PXN: variants seen among roughly 807,000 people sequenced by gnomAD.
PXN encodes the protein testicular tissue protein Li 134.
PXN carries 61 observed loss-of-function variants against 103.6 expected under a neutral mutation model. The observed-to-expected ratio is 0.59, with a 90% confidence interval of 0.48 to 0.73. The LOEUF (loss-of-function observed/expected upper bound fraction) is 0.73, where lower values mean the gene tolerates loss of function less well. Ranked by LOEUF, PXN falls within the 30% of genes least tolerant of loss-of-function variation. PXN has a pLI of 0.00. For missense variants in PXN, 1,274 were observed against 1,460.3 expected, an observed-to-expected ratio of 0.87 and a Z score of 2.08; for synonymous variants, 562 against 607.8, an observed-to-expected ratio of 0.92 and a Z score of 1.11.
In PXN at chr12:120,219,074, G is replaced by A. The variant is rs534695522; in HGVS notation, c.1716+133C>T. The A allele has an allele frequency of 2.2e-4, 221 of 1,009,964 alleles. No individual in the cohort carries two copies. Among genetic ancestry groups the A allele is most frequent in the Non-Finnish European group, 2.9e-4 (211 of 716,804 alleles). The allele number at this position is 1,009,964 out of a possible 1,614,324, so 62.6% of individuals were successfully genotyped here. A position where few individuals can be genotyped will look rare whatever the true frequency, so the allele number is the denominator to read the frequency against. On this transcript the variant is annotated intron_variant, in intron 7 of 14. Coordinates refer to ENST00000637617, the MANE Select transcript of PXN (RefSeq NM_001385981.1). This position sits in a 1 kb window ranked among gnomAD's most constrained non-coding sequence, Gnocchi z 6.5. ...CTGCCAAGTGCTGACTGTCAGGTCC[G>A]GCCACAGTGTCTCAGCATTTTCTGC...
At chr12:120,246,546 G>GAAAAAGA (rs894872229) in intron 1 of PXN, among the ~76,000 whole-genome samples, 2 of 137,964 alleles carry the variant, frequency 1.4e-5, no homozygotes, top group African/African-American at 5.4e-5. Flanking sequence ...AAAAAGAAAA[G>GAAAAAGA]AAAAAGAAAA....
Position 120,215,401 on chromosome 12 carries a change from T to G in PXN, c.2404-128A>C, listed in dbSNP as rs1594345591. 6 of 1,454,794 alleles carry G rather than the reference T, an allele frequency of 4.1e-6. No individual in the cohort carries two copies. The highest frequency in any genetic ancestry group is 5.4e-6 in the Non-Finnish European group (6 of 1,103,854). The allele number at this position is 1,454,794 out of a possible 1,614,324, so 90.1% of individuals were successfully genotyped here. A position where few individuals can be genotyped will look rare whatever the true frequency, so the allele number is the denominator to read the frequency against. On this transcript the variant is annotated intron_variant, in intron 10 of 14. Coordinates refer to ENST00000637617, the MANE Select transcript of PXN (RefSeq NM_001385981.1). This position sits in a 1 kb window ranked among gnomAD's most constrained non-coding sequence, Gnocchi z 4.9. The stretch of plus-strand genomic sequence containing the variant: ...GATGGAGACAAGAAGTACAACCTCC[T>G]CCAGGGGCCAGGAGCCCTAAAGTGG...
Position 120,221,316 on chromosome 12 carries a change from G to T in PXN, c.831+307C>A, listed in dbSNP as rs894530514. On this transcript the variant is annotated intron_variant, in intron 6 of 14. Coordinates refer to ENST00000637617, the MANE Select transcript of PXN (RefSeq NM_001385981.1). The surrounding 1 kb of genome is among the most constrained non-coding windows in gnomAD (Gnocchi z 6.6). ...TCAACACAAGGTTCTTTGTCCCAGC[G>T]TCCCAGCCTCCTGATCCCCTCGACC... Among the ~76,000 whole-genome samples, 1 of 152,082 alleles carries T rather than the reference G, an allele frequency of 6.6e-6. No individual in the cohort carries two copies. The highest frequency in any genetic ancestry group is 6.5e-5 in the Admixed American group (1 of 15,268).
chr12:120,227,725 C>G (rs1594428309), intron 1 of PXN, among the ~76,000 whole-genome samples: 1 of 152,126 alleles, frequency 6.6e-6, no homozygotes, highest in East Asian at 1.9e-4. Flanking sequence ...GGGTTGGTGC[C>G]TCCAAACCCC....
In PXN at chr12:120,214,891, G is replaced by T; in HGVS notation, c.2682C>A (p.Tyr894Ter). The T allele has an allele frequency of 6.2e-7, 1 of 1,614,046 alleles. No individual in the cohort carries two copies. Among genetic ancestry groups the T allele is most frequent in the Non-Finnish European group, 8.5e-7 (1 of 1,179,886 alleles). The change falls in exon 12 of 15, where the codon TAC becomes TAA. Residue 894 changes from tyrosine to a stop codon, truncating the protein, a stop_gained. Coordinates refer to ENST00000637617, the MANE Select transcript of PXN (RefSeq NM_001385981.1). LOFTEE classifies it high-confidence loss of function. The surrounding 1 kb of genome is among the most constrained non-coding windows in gnomAD (Gnocchi z 5.0). ...RNFFERDGQP[Y>*]CEKDYHNLFS... ...AGAGGTTGTGGTAGTCCTTTTCACA[G>T]TAGGGCTGTCCATCCCGCTCGAAGA...
chr12:120,222,433 G>A lies in PXN; in HGVS notation c.695+116C>T. 8.4e-7 allele frequency: 1 copy of A among 1,190,328 alleles called. No homozygotes were observed. Among genetic ancestry groups the A allele is most frequent in the South Asian group, 1.6e-5 (1 of 62,604 alleles). 73.7% of individuals were successfully genotyped at this position (1,190,328 alleles called of 1,614,324 possible). A position where few individuals can be genotyped will look rare whatever the true frequency, so the allele number is the denominator to read the frequency against. ...CTCACCACTATCCCCCCAGTGCCTG[G>A]CAAATGGCAGACACGGGAGGGAGTG... On this transcript the variant is annotated intron_variant, in intron 5 of 14. Transcript: ENST00000637617. The surrounding 1 kb of genome is among the most constrained non-coding windows in gnomAD (Gnocchi z 4.7).
chr12:120,239,322 G>A (rs1260342054), intron 1 of PXN, among the ~76,000 whole-genome samples: 2 of 152,298 alleles, frequency 1.3e-5, no homozygotes, highest in South Asian at 2.1e-4. Context: ...GGTGGCTCAC[G>A]CCTATAATCC....
Position 120,215,523 on chromosome 12 carries a change from C to A in PXN, c.2403+37G>T, listed in dbSNP as rs201761336. 124 of 1,540,668 alleles carry A rather than the reference C, an allele frequency of 8.0e-5. No homozygotes were observed. The African/African-American group carries it at 1.4e-3, about 18-fold the overall frequency. On this transcript the variant is annotated intron_variant, in intron 10 of 14. Coordinates refer to ENST00000637617, the MANE Select transcript of PXN (RefSeq NM_001385981.1). This position sits in a 1 kb window ranked among gnomAD's most constrained non-coding sequence, Gnocchi z 4.9. ...GGCATGGCCAAGCCCAGGGAGAGCA[C>A]GACACGCAGGACACCCAGCCCAGCC...
intron 1 of PXN, chr12:120,250,081 A>G (rs1005704340): frequency 1.6e-5 from 16 of 985,456 alleles, no homozygotes; most frequent in Non-Finnish European, 8.4e-6. Context: ...AGAGGAGCCC[A>G]TCCCACTCAG....
intron 1 of PXN, among the ~76,000 whole-genome samples, chr12:120,246,925 G>A (rs1891269053): frequency 6.6e-6 from 1 of 151,906 alleles, no homozygotes; most frequent in Non-Finnish European, 1.5e-5. Flanking sequence ...CTACTCGAGA[G>A]GCTAAGGCAG....
chr12:120,249,781 G>C (rs1340773961), intron 1 of PXN: 1 of 865,834 alleles, frequency 1.2e-6, no homozygotes, highest in Non-Finnish European at 1.4e-6. Context: ...GAGAGAAGGG[G>C]GAGGAGTTCT....
At chr12:120,239,752 G>GATAA (rs1455584614) in intron 1 of PXN, among the ~76,000 whole-genome samples, 1 of 151,974 alleles carries the variant, frequency 6.6e-6, no homozygotes, top group Non-Finnish European at 1.5e-5. Context: ...CTCTGTCTCA[G>GATAA]ATAAATAAAT....
At chr12:120,254,139 A>G (rs1230264136) in intron 1 of PXN, among the ~76,000 whole-genome samples, 2 of 152,174 alleles carry the variant, frequency 1.3e-5, no homozygotes, top group Non-Finnish European at 2.9e-5. Context: ...TCAGCCTCCC[A>G]AAGTGCTGGG....
rs982094583 is a variant in PXN at position 120,212,203 on chromosome 12, G to A, written c.*111C>T. 4 of 1,437,272 alleles carry A rather than the reference G, an allele frequency of 2.8e-6. No individual in the cohort carries two copies. The highest frequency in any genetic ancestry group is 3.8e-6 in the Non-Finnish European group (4 of 1,062,670). 89.0% of individuals were successfully genotyped at this position (1,437,272 alleles called of 1,614,324 possible). On this transcript the variant is annotated 3_prime_UTR_variant, in exon 15 of 15. Transcript: ENST00000637617. The surrounding 1 kb of genome is among the most constrained non-coding windows in gnomAD (Gnocchi z 7.2). ...CCATCCCGCACCAGCGGAGGACAAG[G>A]GTTCCAGTTTCAGTCGGGTTTACCC...
In PXN at chr12:120,215,179, G is replaced by A. The variant is rs770020554; in HGVS notation, c.2498C>T (p.Ser833Phe). The A allele has an allele frequency of 6.3e-7, 1 of 1,588,278 alleles. No individual in the cohort carries two copies. The highest frequency in any genetic ancestry group is 8.6e-7 in the Non-Finnish European group (1 of 1,166,190). The change falls in exon 11 of 15, where the codon TCT becomes TTT. Residue 833 changes from serine to phenylalanine, a missense_variant. Ser to Phe is a radical substitution (Grantham distance 155, BLOSUM62 -2). Around this residue, in one of 2 missense-constraint regions of PXN, gnomAD observed 1,178 missense variants for 1,309.0 expected, o/e 0.90. Coordinates refer to ENST00000637617, the MANE Select transcript of PXN (RefSeq NM_001385981.1). This position sits in a 1 kb window ranked among gnomAD's most constrained non-coding sequence, Gnocchi z 4.9. ...QLDSMLGSLQ[S>F]DLNKLGVATV... is the part of the protein sequence containing the mutation. ...GGCGACCCCCAGCTTGTTCAGGTCA[G>A]ACTGCAGGCTCCCCAGCATGCTGTC...
In PXN at chr12:120,219,113, C is replaced by T. The variant is rs1009224064; in HGVS notation, c.1716+94G>A. On this transcript the variant is annotated intron_variant, in intron 7 of 14. Transcript: ENST00000637617. This position sits in a 1 kb window ranked among gnomAD's most constrained non-coding sequence, Gnocchi z 6.5. ...AGCATTTTCTGCCCAAGCAGACATG[C>T]GCAGAGTGGGAGGCTGCATGCAGTT... is the stretch of plus-strand genomic sequence containing the variant. 1.1e-5 allele frequency: 14 copies of T among 1,292,908 alleles called. No individual in the cohort carries two copies. The East Asian group carries it at 2.3e-4, about 21-fold the overall frequency. 80.1% of individuals were successfully genotyped at this position (1,292,908 alleles called of 1,614,324 possible).
intron 1 of PXN, chr12:120,226,155 G>A: frequency 5.0e-6 from 6 of 1,196,042 alleles, no homozygotes; most frequent in Non-Finnish European, 6.4e-6. Context: ...GGCCACACCT[G>A]CTGTCTTGGC....
rs962076989 is a variant in PXN, at chr12:120,212,757, T to C, written c.2980-177A>G. Reference sequence around the variant, plus strand: ...TTTCATTTTTATTTTATTAAATAAATTTTTTTTGTAGAGATGGGGGTCTCA... The same window carrying C: ...TTTCATTTTTATTTTATTAAATAAACTTTTTTTGTAGAGATGGGGGTCTCA... On this transcript the variant is annotated intron_variant, in intron 14 of 14. Coordinates refer to ENST00000637617, the MANE Select transcript of PXN (RefSeq NM_001385981.1). The surrounding 1 kb of genome is among the most constrained non-coding windows in gnomAD (Gnocchi z 7.2). The C allele has an allele frequency of 1.5e-6, 1 of 677,844 alleles. No individual in the cohort carries two copies. Among genetic ancestry groups the C allele is most frequent in the Non-Finnish European group, 2.3e-6 (1 of 443,628 alleles). 42.0% of individuals were successfully genotyped at this position (677,844 alleles called of 1,614,324 possible). A position where few individuals can be genotyped will look rare whatever the true frequency, so the allele number is the denominator to read the frequency against.
Position 120,219,232 on chromosome 12 carries a change from G to A in PXN, c.1691C>T (p.Thr564Met), listed in dbSNP as rs371934762. 92 of 1,587,348 alleles carry A rather than the reference G, an allele frequency of 5.8e-5. No homozygotes were observed. The South Asian group carries it at 7.7e-4, about 13-fold the overall frequency. ...CTGGCCAGAGGTGGAAATCCTCTCC[G>A]TGGTGCTGGGTGTGCCCATGGCCAT... is the stretch of plus-strand genomic sequence containing the variant. ...CAMAMGTPST[T>M]ERISTSGQIR... The change falls in exon 7 of 15, where the codon ACG (threonine) becomes ATG (methionine). Residue 564 changes from threonine to methionine, a missense_variant. Physicochemically the swap from Thr to Met is moderately conservative, Grantham distance 81. Around this residue, in one of 2 missense-constraint regions of PXN, gnomAD observed 1,178 missense variants for 1,309.0 expected, o/e 0.90. Coordinates refer to ENST00000637617, the MANE Select transcript of PXN (RefSeq NM_001385981.1). This position sits in a 1 kb window ranked among gnomAD's most constrained non-coding sequence, Gnocchi z 6.5.
Sources: allele counts gnomAD v4.1 joint callset (sites outside exome capture counted in the v4.1 genomes callset), GRCh38; gene constraint gnomAD v4.1.1; regional missense constraint gnomAD v4.1.1; non-coding constraint Gnocchi (gnomAD v3.1); transcripts MANE v1.5; gene names NCBI Gene and HGNC (gene_info 2026-07-23, HGNC 2026-07-21).